Variants in TSPAN9 observed in about 807,000 individuals in gnomAD.
TSPAN9 encodes the protein tetraspanin-9.
A neutral mutation model predicts 31.0 loss-of-function variants in TSPAN9; 16 were observed. That is an observed-to-expected ratio of 0.52 (90% CI 0.35 to 0.78). The LOEUF (loss-of-function observed/expected upper bound fraction) is 0.78. TSPAN9 is among the 30% of genes least tolerant of loss of function. The pLI, the probability that TSPAN9 is intolerant of heterozygous loss-of-function variation, is 0.01. For synonymous variants in TSPAN9, 145 were observed against 121.6 expected, an observed-to-expected ratio of 1.19 and a Z score of -1.27; for missense variants, 272 against 312.5, an observed-to-expected ratio of 0.87 and a Z score of 0.98.
chr12:3,233,205 A>G (rs2098391701), intron 3 of TSPAN9, among the ~76,000 whole-genome samples: 1 of 152,174 alleles, frequency 6.6e-6, no homozygotes, highest in Admixed American at 6.5e-5. Flanking sequence ...CAAAGCTTGA[A>G]TTCTCAAGCT....
chr12:3,210,092 G>A (rs147825443), intron 3 of TSPAN9, among the ~76,000 whole-genome samples: 1,591 of 144,360 alleles, frequency 0.011, 27 homozygotes, highest in African/African-American at 0.038. Context: ...CCGAGATCGC[G>A]CACTGCACTC....
At chr12:3,111,786 A>T (rs2098318884) in intron 2 of TSPAN9, among the ~76,000 whole-genome samples, 2 of 151,848 alleles carry the variant, frequency 1.3e-5, no homozygotes, top group African/African-American at 4.8e-5. Flanking sequence ...TAATTTTTGT[A>T]TTTTTAGTAG....
Position 3,164,710 on chromosome 12 carries a change from A to G in TSPAN9, c.-17-36467A>G, listed in dbSNP as rs561140147. ...TGCTGCAGGTGGATATTGCTACTTG[A>G]TCACAGCACTGTTAACTCTGCAACC... On this transcript the variant is annotated intron_variant, in intron 2 of 8. Transcript: ENST00000011898. Among the ~76,000 whole-genome samples the G allele has an allele frequency of 2.6e-5, 4 of 152,044 alleles. No individual in the cohort carries two copies. The East Asian group carries it at 7.8e-4, about 29-fold the overall frequency.
In TSPAN9 at chr12:3,118,256, G is replaced by GTTTTTTTT. The variant is rs72307230; in HGVS notation, c.-18+34554_-18+34561dup. 7.7e-3 allele frequency among the ~76,000 whole-genome samples: 243 copies of GTTTTTTTT among 31,538 alleles called. 50 individuals carry two copies. Among genetic ancestry groups the GTTTTTTTT allele is most frequent in the African/African-American group, 0.013 (154 of 11,424 alleles). 20.7% of individuals were successfully genotyped at this position (31,538 alleles called of 152,430 possible). A position where few individuals can be genotyped will look rare whatever the true frequency, so the allele number is the denominator to read the frequency against. ...ATTCCGCACCGCCCCTGCACCCGCC[G>GTTTTTTTT]TTTTTTTTTTTTTTTTTTTTTTTTG... On this transcript the variant is annotated intron_variant, in intron 2 of 8. Transcript: ENST00000011898.
At chr12:3,132,979 A>G (rs991044807) in intron 2 of TSPAN9, among the ~76,000 whole-genome samples, 6 of 152,156 alleles carry the variant, frequency 3.9e-5, no homozygotes, top group Non-Finnish European at 7.4e-5. Context: ...GAGGCGTTGT[A>G]AGAGCCTCAC....
At chr12:3,160,867 AT>A (rs1385166114) in intron 2 of TSPAN9, among the ~76,000 whole-genome samples, 1 of 152,146 alleles carries the variant, frequency 6.6e-6, no homozygotes, top group Non-Finnish European at 1.5e-5. Flanking sequence ...ATTTGCAAAT[AT>A]TTTCTCATAT....
At chr12:3,181,864 C>T (rs1306511310) in intron 2 of TSPAN9, among the ~76,000 whole-genome samples, 3 of 152,154 alleles carry the variant, frequency 2.0e-5, no homozygotes, top group African/African-American at 7.2e-5. Context: ...GACAGGCCAC[C>T]TGCAGCGTCC....
At chr12:3,100,972 G>A (rs2098311610) in intron 2 of TSPAN9, among the ~76,000 whole-genome samples, 1 of 152,208 alleles carries the variant, frequency 6.6e-6, no homozygotes. Flanking sequence ...AAGAAGAACA[G>A]TACCATCCCG....
chr12:3,111,783 T>G (rs1353413009), intron 2 of TSPAN9, among the ~76,000 whole-genome samples: 1 of 152,050 alleles, frequency 6.6e-6, no homozygotes, highest in Admixed American at 6.5e-5. Flanking sequence ...GGCTAATTTT[T>G]GTATTTTTAG....
intron 3 of TSPAN9, among the ~76,000 whole-genome samples, chr12:3,235,987 A>C (rs3782807): frequency 0.28 from 42,424 of 152,258 alleles, 6,074 homozygotes; most frequent in East Asian, 0.34. Flanking sequence ...CTGGGGCGGC[A>C]TGAGGGATCC....
chr12:3,176,960 A>C (rs887536014), intron 2 of TSPAN9, among the ~76,000 whole-genome samples: 1 of 151,856 alleles, frequency 6.6e-6, no homozygotes, highest in South Asian at 2.1e-4. Flanking sequence ...GAAGAGTACC[A>C]TGGACAGCAG....
chr12:3,081,844 G>GTGTATATATGTATATATATATA (rs57812985), intron 1 of TSPAN9, among the ~76,000 whole-genome samples: 1 of 116,738 alleles, frequency 8.6e-6, no homozygotes, highest in African/African-American at 3.7e-5. Flanking sequence ...GTCTGTGTGT[G>GTGTATATATGTATATATATATA]TATATATATG....
chr12:3,096,031 G>GCC (rs2098308541), intron 2 of TSPAN9, among the ~76,000 whole-genome samples: 2 of 51,098 alleles, frequency 3.9e-5, no homozygotes, highest in East Asian at 7.8e-4. Context: ...CGCTCCTCCA[G>GCC]CCGCTGCCTC....
At chr12:3,110,829 A>G (rs1404291532) in intron 2 of TSPAN9, among the ~76,000 whole-genome samples, 1 of 152,186 alleles carries the variant, frequency 6.6e-6, no homozygotes, top group East Asian at 1.9e-4. Context: ...AGCGGTGGGG[A>G]CACTGTTGAC....
chr12:3,217,021 T>C (rs3741945), intron 3 of TSPAN9, among the ~76,000 whole-genome samples: 15,061 of 152,292 alleles, frequency 0.099, 799 homozygotes, highest in Middle Eastern at 0.15. Context: ...AGATGAGAAG[T>C]GGCAGACTGG....
chr12:3,139,578 CT>C (rs34051009), intron 2 of TSPAN9, among the ~76,000 whole-genome samples: 1 of 151,854 alleles, frequency 6.6e-6, no homozygotes, highest in South Asian at 2.1e-4. Context: ...TCCTTTTTTT[CT>C]TTTTTTTGAG....
chr12:3,125,677 G>A (rs1029809543), intron 2 of TSPAN9, among the ~76,000 whole-genome samples: 3 of 151,708 alleles, frequency 2.0e-5, no homozygotes, highest in East Asian at 1.9e-4. Context: ...AAGAATTTGC[G>A]ACTCCTGCCT....
At chr12:3,202,738 TGACTTGAGTTG>T (rs1469143896) in intron 3 of TSPAN9, among the ~76,000 whole-genome samples, 2 of 152,162 alleles carry the variant, frequency 1.3e-5, no homozygotes, top group Non-Finnish European at 2.9e-5. Context: ...TGGTTTGAAG[TGACTTGAGTTG>T]GATTCCCCTA....
rs986310573 is a variant in TSPAN9 at position 3,192,731 on chromosome 12, G to C, written c.-17-8446G>C. Among the ~76,000 whole-genome samples, 1 of 152,124 alleles carries C rather than the reference G, an allele frequency of 6.6e-6. No individual in the cohort carries two copies. Among genetic ancestry groups the C allele is most frequent in the Non-Finnish European group, 1.5e-5 (1 of 68,030 alleles). ...AGCATGCAGATGGCCCTGGAACGGA[G>C]GAGATGGTCATATAGAGGAAAGTTG... On this transcript the variant is annotated intron_variant, in intron 2 of 8. Coordinates refer to ENST00000011898, the MANE Select transcript of TSPAN9 (RefSeq NM_006675.5). This position sits in a 1 kb window ranked among gnomAD's most constrained non-coding sequence, Gnocchi z 4.6.
Sources: allele counts gnomAD v4.1 joint callset (sites outside exome capture counted in the v4.1 genomes callset), GRCh38; gene constraint gnomAD v4.1.1; non-coding constraint Gnocchi (gnomAD v3.1); transcripts MANE v1.5; gene names NCBI Gene and HGNC (gene_info 2026-07-23, HGNC 2026-07-21).